Variants in PARP8 observed in about 807,000 individuals in gnomAD.
The protein encoded by PARP8 is poly(ADP-ribose) polymerase family member 8.
A neutral mutation model predicts 124.1 loss-of-function variants in PARP8; 51 were observed. The observed-to-expected ratio is 0.41, with a 90% CI of 0.33 to 0.52. The LOEUF is 0.52. Among genes scored for constraint, PARP8 ranks in the 20% least tolerant of loss-of-function variants. The pLI is 0.21. For synonymous variants in PARP8, 391 were observed against 361.5 expected (o/e 1.08, Z -0.93); for missense variants, 860 against 1,018.9 (o/e 0.84, Z 2.12).
intron 2 of PARP8, among the ~76,000 whole-genome samples, chr5:50,712,745 G>C (rs77813027): frequency 6.6e-6 from 1 of 152,090 alleles, no homozygotes; most frequent in Admixed American, 6.6e-5. Context: ...AGCATGCAGG[G>C]TGAGAAAGAA....
chr5:50,814,034 T>C (rs1482625276), intron 14 of PARP8, among the ~76,000 whole-genome samples: 1 of 152,132 alleles, frequency 6.6e-6, no homozygotes, highest in Admixed American at 6.6e-5. Flanking sequence ...GTTTACTTCC[T>C]CAGTAGTTGA....
At chr5:50,675,352 T>C (rs1303396617) in intron 2 of PARP8, among the ~76,000 whole-genome samples, 1 of 152,236 alleles carries the variant, frequency 6.6e-6, no homozygotes, top group East Asian at 1.9e-4. Context: ...TTGCCCAGGC[T>C]GGAGTGCAGT....
intron 16 of PARP8, among the ~76,000 whole-genome samples, chr5:50,821,803 T>C (rs577865778): frequency 6.6e-6 from 1 of 152,348 alleles, no homozygotes; most frequent in African/African-American, 2.4e-5. Flanking sequence ...TAGAAACAAC[T>C]GTATACAATT....
chr5:50,701,254 G>A (rs747591547), intron 2 of PARP8, among the ~76,000 whole-genome samples: 3 of 152,088 alleles, frequency 2.0e-5, no homozygotes, highest in Non-Finnish European at 4.4e-5. Flanking sequence ...GTTAATAATA[G>A]GAGACTGTTC....
At chr5:50,672,317 C>T (rs1750122588) in intron 2 of PARP8, among the ~76,000 whole-genome samples, 1 of 152,186 alleles carries the variant, frequency 6.6e-6, no homozygotes, top group African/African-American at 2.4e-5. Context: ...GCAGTTTCCC[C>T]AGCCCCTAGC....
chr5:50,763,300 A>G (rs969147685), intron 7 of PARP8, 58 bp downstream of exon 7: 2 of 1,363,784 alleles, frequency 1.5e-6, no homozygotes, highest in African/African-American at 2.9e-5. Context: ...ATTGAAATTT[A>G]CTTTTGGAGT....
intron 14 of PARP8, among the ~76,000 whole-genome samples, chr5:50,803,738 G>A (rs572613405): frequency 3.9e-5 from 6 of 152,104 alleles, no homozygotes; most frequent in African/African-American, 7.2e-5. Context: ...GCTCTTGAAC[G>A]TTTTAAGTAT....
intron 2 of PARP8, among the ~76,000 whole-genome samples, chr5:50,733,319 A>T (rs1246725321): frequency 6.6e-6 from 1 of 151,900 alleles, no homozygotes; most frequent in Non-Finnish European, 1.5e-5. Context: ...AAAAAAATAA[A>T]TGGGCGAAAA....
rs1281644726 is a variant in PARP8, at chr5:50,712,840, G to GT, written c.147-37298dup. Among the ~76,000 whole-genome samples the GT allele has an allele frequency of 3.4e-3, 481 of 143,470 alleles. 2 individuals are homozygous for GT. Among genetic ancestry groups the GT allele is most frequent in the African/African-American group, 7.9e-3 (312 of 39,262 alleles). 94.1% of individuals were successfully genotyped at this position (143,470 alleles called of 152,430 possible). On this transcript the variant is annotated intron_variant, in intron 2 of 25. Coordinates refer to ENST00000281631, the MANE Select transcript of PARP8 (RefSeq NM_024615.4). ...AAAACAGGAAAGAAGGAGGAACAAGGTTTTTTTTTTTTTAAGTTTTGTTGC... is the reference window on the plus strand; with the variant it reads ...AAAACAGGAAAGAAGGAGGAACAAGGTTTTTTTTTTTTTTAAGTTTTGTTGC...
chr5:50,697,929 G>A (rs1401756924), intron 2 of PARP8, among the ~76,000 whole-genome samples: 3 of 152,150 alleles, frequency 2.0e-5, no homozygotes, highest in African/African-American at 4.8e-5. Flanking sequence ...TGGTCCAGTG[G>A]CACCACTTCC....
intron 2 of PARP8, among the ~76,000 whole-genome samples, chr5:50,702,222 AAATT>A (rs1160024953): frequency 6.6e-6 from 1 of 152,158 alleles, no homozygotes; most frequent in African/African-American, 2.4e-5. Context: ...AAAGGACAAT[AAATT>A]AAGTTTTTTT....
intron 2 of PARP8, among the ~76,000 whole-genome samples, chr5:50,714,874 G>C (rs1011465255): frequency 1.3e-5 from 2 of 152,044 alleles, no homozygotes; most frequent in African/African-American, 4.8e-5. Flanking sequence ...TGTCATTCCT[G>C]TAAGAAGCCC....
chr5:50,718,732 T>G (rs1470503187), intron 2 of PARP8, among the ~76,000 whole-genome samples: 1 of 152,072 alleles, frequency 6.6e-6, no homozygotes, highest in Non-Finnish European at 1.5e-5. Flanking sequence ...GATGGACACT[T>G]AGGTTACTTC....
At chr5:50,692,537 C>G (rs1194315447) in intron 2 of PARP8, among the ~76,000 whole-genome samples, 1 of 149,544 alleles carries the variant, frequency 6.7e-6, no homozygotes, top group African/African-American at 2.5e-5. Context: ...TTTTTTTCTT[C>G]TTTGTTAGTA....
At chr5:50,742,318 A>C (rs1222503837) in intron 2 of PARP8, among the ~76,000 whole-genome samples, 2 of 152,210 alleles carry the variant, frequency 1.3e-5, no homozygotes, top group Non-Finnish European at 2.9e-5. Flanking sequence ...ATAGTTACAT[A>C]TGTTTGATAG....
chr5:50,807,634 T>C (rs1483308921), intron 14 of PARP8, among the ~76,000 whole-genome samples: 1 of 152,160 alleles, frequency 6.6e-6, no homozygotes, highest in African/African-American at 2.4e-5. Flanking sequence ...TTTTCTGTTA[T>C]ACTCACCTTA....
intron 17 of PARP8, among the ~76,000 whole-genome samples, 185 bp from the exon 18 acceptor site, chr5:50,824,723 T>G (rs1240683611): frequency 3.3e-5 from 5 of 152,122 alleles, no homozygotes; most frequent in African/African-American, 1.2e-4. Flanking sequence ...TTTGGTGGCA[T>G]GAAAGTTCAC....
intron 14 of PARP8, among the ~76,000 whole-genome samples, chr5:50,813,838 C>T (rs950501869): frequency 1.4e-4 from 21 of 152,016 alleles, no homozygotes; most frequent in East Asian, 1.9e-4. Context: ...CACACAGACA[C>T]GCACACACAC....
At chr5:50,667,915 C>T in intron 1 of PARP8, 156 bp from the exon 2 acceptor site, 3 of 1,512,786 alleles carry the variant, frequency 2.0e-6, no homozygotes, top group Non-Finnish European at 2.6e-6. Context: ...GCCGCATCCC[C>T]TCGGACGCGG....
Sources: gnomAD v4.1 joint callset for allele counts (sites outside exome capture counted in the v4.1 genomes callset) on GRCh38, gnomAD v4.1.1 for gene constraint, MANE v1.5 for transcripts, NCBI Gene and HGNC (gene_info 2026-07-23, HGNC 2026-07-21) for gene names.